The following ZNF423 variants were observed in gnomAD, a reference collection of about 807,000 sequenced individuals.
ZNF423 encodes Ebf-associated zinc finger protein.
A neutral mutation model predicts 95.8 loss-of-function variants in ZNF423; 12 were observed. The ratio of observed to expected loss-of-function variants is 0.13; its 90% confidence interval spans 0.08 to 0.20. The LOEUF is 0.20. Among genes scored for constraint, ZNF423 ranks in the 10% least tolerant of loss-of-function variants. The pLI is 1.00. For synonymous variants in ZNF423, 749 were observed against 711.9 expected (o/e 1.05, Z -0.83); for missense variants, 1,316 against 1,737.1 (o/e 0.76, Z 4.31).
chr16:49,840,835 C>A (rs1320579039), intron 1 of ZNF423, among the ~76,000 whole-genome samples: 1 of 152,242 alleles, frequency 6.6e-6, no homozygotes, highest in Admixed American at 6.5e-5. Context: ...TACAGGCACA[C>A]AGACTCACAC....
chr16:49,585,990 G>C (rs1334550867), intron 5 of ZNF423, among the ~76,000 whole-genome samples: 1 of 152,132 alleles, frequency 6.6e-6, no homozygotes, highest in East Asian at 1.9e-4. Context: ...TTCAAGCCCT[G>C]AGTAAAATGA....
rs1372799950 is a variant in ZNF423, at chr16:49,523,489, G to C, written c.3849+135C>G. 6 of 703,430 alleles carry C rather than the reference G, an allele frequency of 8.5e-6. No individual in the cohort carries two copies. The African/African-American group carries it at 1.1e-4, about 12-fold the overall frequency. The allele number at this position is 703,430 out of a possible 1,614,324, so 43.6% of individuals were successfully genotyped here. On this transcript the variant is annotated intron_variant, in intron 7 of 7. Coordinates refer to ENST00000563137, the MANE Select transcript of ZNF423 (RefSeq NM_001379286.1). ...GGGGGCTGAAACTCCATGCCTGCTAGCCAGGAGGTCAGCCCCTGATTGCAG... is the reference window on the plus strand; with the variant it reads ...GGGGGCTGAAACTCCATGCCTGCTACCCAGGAGGTCAGCCCCTGATTGCAG...
chr16:49,582,086 A>G (rs1462877452), intron 5 of ZNF423, among the ~76,000 whole-genome samples: 3 of 152,204 alleles, frequency 2.0e-5, no homozygotes, highest in African/African-American at 7.2e-5. Context: ...ACGCTCACAT[A>G]GTCTCCTGAG....
At chr16:49,846,831 C>T (rs889401960) in intron 1 of ZNF423, among the ~76,000 whole-genome samples, 1 of 152,136 alleles carries the variant, frequency 6.6e-6, no homozygotes, top group Non-Finnish European at 1.5e-5. Context: ...CAAAAATATA[C>T]TCTATGTTGC....
chr16:49,855,976 C>G lies in ZNF423; in HGVS notation c.-202G>C, dbSNP rs1164762363. ...GGGGGCAGCCCGGGCCGGCCGAGGCCGCTCGAAGGCGGGGGGAGGCCCGGG... is the reference window on the plus strand; with the variant it reads ...GGGGGCAGCCCGGGCCGGCCGAGGCGGCTCGAAGGCGGGGGGAGGCCCGGG... On this transcript the variant is annotated 5_prime_UTR_variant, in exon 1 of 8. Transcript: ENST00000563137. The surrounding 1 kb of genome is among the most constrained non-coding windows in gnomAD (Gnocchi z 4.7). The G allele has an allele frequency of 3.3e-5, 5 of 151,096 alleles. No individual in the cohort carries two copies. The allele number at this position is 151,096 out of a possible 1,614,324, so 9.4% of individuals were successfully genotyped here. A position where few individuals can be genotyped will look rare whatever the true frequency, so the allele number is the denominator to read the frequency against.
At chr16:49,801,798 G>A (rs11649602) in intron 1 of ZNF423, among the ~76,000 whole-genome samples, 18,189 of 152,096 alleles carry the variant, frequency 0.12, 1,555 homozygotes, top group Admixed American at 0.25. Flanking sequence ...GAAAACTAAG[G>A]TTAAGCAATT....
At chr16:49,846,556 C>T (rs2035248394) in intron 1 of ZNF423, among the ~76,000 whole-genome samples, 1 of 152,194 alleles carries the variant, frequency 6.6e-6, no homozygotes, top group African/African-American at 2.4e-5. Flanking sequence ...CTAAGGGGCA[C>T]AAGGCATCTG....
chr16:49,612,985 T>C (rs1172553181), intron 5 of ZNF423, among the ~76,000 whole-genome samples: 1 of 149,796 alleles, frequency 6.7e-6, no homozygotes, highest in African/African-American at 2.5e-5. Flanking sequence ...ATTAGGATGT[T>C]GAAAACTTTA....
At chr16:49,562,066 T>C (rs1190663560) in intron 5 of ZNF423, among the ~76,000 whole-genome samples, 1 of 152,238 alleles carries the variant, frequency 6.6e-6, no homozygotes, top group Non-Finnish European at 1.5e-5. Flanking sequence ...ACTAGTTTAA[T>C]GGTGCTGTGA....
intron 1 of ZNF423, among the ~76,000 whole-genome samples, chr16:49,790,796 G>T (rs1435583377): frequency 3.3e-5 from 5 of 152,180 alleles, no homozygotes; most frequent in Non-Finnish European, 7.3e-5. Context: ...TTCAAAAATG[G>T]AGAAAATAAC....
intron 1 of ZNF423, among the ~76,000 whole-genome samples, chr16:49,807,060 T>C (rs1468283280): frequency 6.6e-6 from 1 of 151,094 alleles, no homozygotes; most frequent in East Asian, 2.0e-4. Flanking sequence ...GCATAAAATG[T>C]ACCATTTTAG....
At chr16:49,804,026 C>T (rs1485185460) in intron 1 of ZNF423, among the ~76,000 whole-genome samples, 4 of 150,596 alleles carry the variant, frequency 2.7e-5, no homozygotes, top group African/African-American at 9.8e-5. Flanking sequence ...TCCTCCACCT[C>T]CCGGATTCAA....
At chr16:49,556,170 C>T (rs928828261) in intron 5 of ZNF423, among the ~76,000 whole-genome samples, 2 of 152,164 alleles carry the variant, frequency 1.3e-5, no homozygotes, top group Non-Finnish European at 2.9e-5. Flanking sequence ...ATTTAAAGGG[C>T]ATCAGGTAAA....
In ZNF423 at chr16:49,789,659, A is replaced by G. The variant is rs1473833960; in HGVS notation, c.41-113T>C. ...TGTGGGGGTCCTTATTATAATACCCATCACCAGGGGAGAGGGGGCAAAGCC... is the reference window on the plus strand; with the variant it reads ...TGTGGGGGTCCTTATTATAATACCCGTCACCAGGGGAGAGGGGGCAAAGCC... On this transcript the variant is annotated intron_variant, in intron 1 of 7. Coordinates refer to ENST00000563137, the MANE Select transcript of ZNF423 (RefSeq NM_001379286.1). 5.2e-6 allele frequency: 5 copies of G among 970,638 alleles called. No homozygotes were observed. In the African/African-American group the frequency reaches 6.8e-5, roughly 13 times the overall value. 60.1% of individuals were successfully genotyped at this position (970,638 alleles called of 1,614,324 possible).
intron 5 of ZNF423, among the ~76,000 whole-genome samples, chr16:49,590,631 C>T (rs1463325178): frequency 1.3e-5 from 2 of 152,190 alleles, no homozygotes; most frequent in Non-Finnish European, 2.9e-5. Flanking sequence ...CTGTGCTTCC[C>T]CTTGGTCTTC....
chr16:49,854,799 TAGAA>T lies in ZNF423; in HGVS notation c.40+932_40+935del, dbSNP rs1039965008. The T allele has an allele frequency of 2.3e-5, 23 of 985,128 alleles. No homozygotes were observed. The African/African-American group carries it at 3.1e-4, about 13-fold the overall frequency. 61.0% of individuals were successfully genotyped at this position (985,128 alleles called of 1,614,324 possible). A position where few individuals can be genotyped will look rare whatever the true frequency, so the allele number is the denominator to read the frequency against. On this transcript the variant is annotated intron_variant, in intron 1 of 7. Coordinates refer to ENST00000563137, the MANE Select transcript of ZNF423 (RefSeq NM_001379286.1). ...TCGAGCTGGGGGCCCTCGCTGGAAATAGAAAGCAAAGCGTGGAGACGAAGGGATG... is the reference window on the plus strand; with the variant it reads ...TCGAGCTGGGGGCCCTCGCTGGAAATAGCAAAGCGTGGAGACGAAGGGATG...
chr16:49,763,547 G>T (rs904654379), intron 2 of ZNF423, among the ~76,000 whole-genome samples: 4 of 152,070 alleles, frequency 2.6e-5, no homozygotes, highest in Admixed American at 6.6e-5. Context: ...ACCCCAGTAG[G>T]TTCCCACATG....
chr16:49,794,870 A>G (rs1261709923), intron 1 of ZNF423, among the ~76,000 whole-genome samples: 2 of 152,182 alleles, frequency 1.3e-5, no homozygotes, highest in African/African-American at 2.4e-5. Flanking sequence ...CAGGTGCTCA[A>G]CAAAAAACAA....
chr16:49,828,895 G>C (rs1252997046), intron 1 of ZNF423, among the ~76,000 whole-genome samples: 1 of 152,216 alleles, frequency 6.6e-6, no homozygotes, highest in African/African-American at 2.4e-5. Context: ...AATTAGGGAG[G>C]CTTCATGGCA....
Sources: allele counts gnomAD v4.1 joint callset (sites outside exome capture counted in the v4.1 genomes callset), GRCh38; gene constraint gnomAD v4.1.1; non-coding constraint Gnocchi (gnomAD v3.1); transcripts MANE v1.5; gene names NCBI Gene and HGNC (gene_info 2026-07-23, HGNC 2026-07-21).